Variants in RIMS1 observed in about 807,000 individuals in gnomAD.
RIMS1 encodes regulating synaptic membrane exocytosis protein 1.
Under a neutral mutation model 214.1 loss-of-function variants are expected in RIMS1, and 83 were observed. The observed-to-expected ratio is 0.39, with a 90% confidence interval of 0.32 to 0.47. The LOEUF (loss-of-function observed/expected upper bound fraction) is 0.47, where lower values mean the gene tolerates loss of function less well. RIMS1 is among the 20% of genes least tolerant of loss of function. RIMS1 has a pLI of 0.99. For missense variants in RIMS1, 2,050 were observed against 2,161.8 expected, an observed-to-expected ratio of 0.95 and a Z score of 1.03; for synonymous variants, 793 against 786.8, an observed-to-expected ratio of 1.01 and a Z score of -0.13.
At chr6:72,087,067 G>A (rs933638324) in intron 2 of RIMS1, among the ~76,000 whole-genome samples, 4 of 152,164 alleles carry the variant, frequency 2.6e-5, no homozygotes, top group Non-Finnish European at 4.4e-5. Flanking sequence ...CAAGTTTTAC[G>A]TTGATTTGCT....
chr6:72,074,214 G>A (rs998006811), intron 2 of RIMS1, among the ~76,000 whole-genome samples: 2 of 152,090 alleles, frequency 1.3e-5, no homozygotes, highest in Non-Finnish European at 2.9e-5. Flanking sequence ...ATGCTAAAGG[G>A]ATTCATGAAA....
At position 72,160,226 on chromosome 6, in the gene RIMS1, A is replaced by C. The variant is rs370481668; in HGVS notation, c.472-19349A>C. ...TATAAGAATGCTTGTGATTTTTGCA[A>C]ATTGATTTTGTATCCTGAGACTGCT... On this transcript the variant is annotated intron_variant, in intron 4 of 33. Coordinates refer to ENST00000521978, the MANE Select transcript of RIMS1 (RefSeq NM_014989.7). 4.0e-4 allele frequency among the ~76,000 whole-genome samples: 23 copies of C among 57,086 alleles called. 5 individuals carry two copies. Among genetic ancestry groups the C allele is most frequent in the East Asian group, 2.0e-3 (3 of 1,510 alleles). 37.5% of individuals were successfully genotyped at this position (57,086 alleles called of 152,430 possible).
At chr6:72,367,949 T>C (rs543948741) in intron 29 of RIMS1, among the ~76,000 whole-genome samples, 1 of 152,330 alleles carries the variant, frequency 6.6e-6, no homozygotes, top group South Asian at 2.1e-4. Context: ...CTAATTTCAA[T>C]TTTATTTAAT....
intron 22 of RIMS1, among the ~76,000 whole-genome samples, chr6:72,270,523 A>G (rs2082539117): frequency 6.6e-6 from 1 of 152,186 alleles, no homozygotes; most frequent in Non-Finnish European, 1.5e-5. Flanking sequence ...TCAAAGTTGG[A>G]TTGAGCTGTG....
intron 2 of RIMS1, among the ~76,000 whole-genome samples, chr6:72,090,111 G>T (rs1187714718): frequency 2.0e-5 from 3 of 151,858 alleles, no homozygotes; most frequent in Non-Finnish European, 4.4e-5. Flanking sequence ...CATGGCACAC[G>T]TATACATATG....
intron 1 of RIMS1, among the ~76,000 whole-genome samples, chr6:71,950,539 CTA>C (rs1415227067): frequency 2.0e-5 from 3 of 152,080 alleles, no homozygotes; most frequent in Admixed American, 2.0e-4. Flanking sequence ...ACATTTGAGC[CTA>C]TCATTAGGAT....
intron 8 of RIMS1, among the ~76,000 whole-genome samples, chr6:72,236,065 G>A (rs2063901255): frequency 6.6e-6 from 1 of 151,946 alleles, no homozygotes; most frequent in Non-Finnish European, 1.5e-5. Flanking sequence ...AAAAATTAAT[G>A]TACTTAATAG....
At chr6:72,313,134 T>G (rs114430102) in intron 27 of RIMS1, among the ~76,000 whole-genome samples, 1 of 151,832 alleles carries the variant, frequency 6.6e-6, no homozygotes, top group Non-Finnish European at 1.5e-5. Context: ...TTGACTAGAG[T>G]AGAAGGTGAA....
At chr6:72,394,949 A>T (rs2098756241) in intron 31 of RIMS1, among the ~76,000 whole-genome samples, 1 of 152,084 alleles carries the variant, frequency 6.6e-6, no homozygotes. Flanking sequence ...CCAAGAGATT[A>T]TTAAACAAAA....
intron 1 of RIMS1, among the ~76,000 whole-genome samples, chr6:71,943,859 G>A (rs1440407987): frequency 2.0e-5 from 3 of 152,100 alleles, no homozygotes; most frequent in Non-Finnish European, 4.4e-5. Flanking sequence ...CCAATCCAAA[G>A]TCTTTAATGG....
intron 6 of RIMS1, among the ~76,000 whole-genome samples, chr6:72,195,709 A>G (rs1439710422): frequency 6.6e-6 from 1 of 152,114 alleles, no homozygotes; most frequent in Non-Finnish European, 1.5e-5. Context: ...AGTATAATGC[A>G]TACTGCTCAC....
rs117887085 is a variant in RIMS1, at chr6:71,910,565, C to T, written c.164+23378C>T. 3.0e-4 allele frequency among the ~76,000 whole-genome samples: 46 copies of T among 152,216 alleles called. No individual in the cohort carries two copies. In the East Asian group the frequency reaches 7.7e-3, roughly 26 times the overall value. ...TCACTTTCTAGGTCTTATCAAAGCA[C>T]CTACTCCCTTCACTGTGTTCTGTAT... On this transcript the variant is annotated intron_variant, in intron 1 of 33. Transcript: ENST00000521978.
At chr6:72,371,852 T>C (rs2098231544) in intron 29 of RIMS1, among the ~76,000 whole-genome samples, 1 of 152,314 alleles carries the variant, frequency 6.6e-6, no homozygotes, top group South Asian at 2.1e-4. Flanking sequence ...TTACTGGCGA[T>C]GATCTCAGCA....
intron 1 of RIMS1, among the ~76,000 whole-genome samples, chr6:71,946,047 A>T (rs1209757090): frequency 8.0e-6 from 1 of 125,434 alleles, no homozygotes; most frequent in Non-Finnish European, 1.7e-5. Context: ...GAAATCAAGA[A>T]AATAATCCGA....
At chr6:72,195,177 G>T (rs999583401) in intron 6 of RIMS1, among the ~76,000 whole-genome samples, 2 of 152,176 alleles carry the variant, frequency 1.3e-5, no homozygotes, top group Non-Finnish European at 2.9e-5. Flanking sequence ...GTTGGAAGAA[G>T]AGCCTGGCAT....
chr6:72,290,972 T>A, intron 25 of RIMS1, 111 bp downstream of exon 25: 2 of 913,400 alleles, frequency 2.2e-6, no homozygotes, highest in African/African-American at 1.7e-5. Flanking sequence ...CCATAACTTT[T>A]AATCCTTTCT....
chr6:72,357,049 G>A (rs1014381430), intron 29 of RIMS1, among the ~76,000 whole-genome samples: 1 of 152,148 alleles, frequency 6.6e-6, no homozygotes, highest in South Asian at 2.1e-4. Flanking sequence ...ATAAAGCACA[G>A]CTAAATACCA....
At chr6:72,343,489 CTTCT>C (rs2097161573) in intron 29 of RIMS1, among the ~76,000 whole-genome samples, 1 of 108,464 alleles carries the variant, frequency 9.2e-6, no homozygotes, top group Admixed American at 9.3e-5. Context: ...TCTTCTTCTT[CTTCT>C]TTTTTTTTTT....
intron 4 of RIMS1, among the ~76,000 whole-genome samples, chr6:72,136,573 C>A (rs532257352): frequency 6.6e-5 from 10 of 152,066 alleles, no homozygotes; most frequent in Admixed American, 2.0e-4. Flanking sequence ...GTTGTGAGGG[C>A]AAAGTTAACA....
Sources: gnomAD v4.1 joint callset for allele counts (sites outside exome capture counted in the v4.1 genomes callset) on GRCh38, gnomAD v4.1.1 for gene constraint, MANE v1.5 for transcripts, NCBI Gene and HGNC (gene_info 2026-07-23, HGNC 2026-07-21) for gene names.